Variants in CLCA2 observed in about 807,000 individuals in gnomAD.
CLCA2 encodes calcium-activated chloride channel regulator 2.
CLCA2 carries 85 observed loss-of-function variants against 82.9 expected under a neutral mutation model. The observed-to-expected ratio is 1.03, with a 90% CI of 0.86 to 1.23. CLCA2 has a LOEUF of 1.23. Among genes scored for constraint, CLCA2 ranks in the 50% most tolerant of loss-of-function variants. The pLI is 0.00. For synonymous variants in CLCA2, 421 were observed against 391.7 expected (o/e 1.07, Z -0.88); for missense variants, 1,089 against 1,124.8 (o/e 0.97, Z 0.45).
chr1:86,444,879 TTTGTTGTTGTTG>T (rs199948615), intron 10 of CLCA2, among the ~76,000 whole-genome samples: 3 of 148,020 alleles, frequency 2.0e-5, no homozygotes, highest in Admixed American at 6.8e-5. Flanking sequence ...CACCCCCACT[TTTGTTGTTGTTG>T]TTGTTGTTGT....
chr1:86,440,285 A>G lies in CLCA2; in HGVS notation c.1341A>G (p.Ser447=), dbSNP rs979275803. The part of the protein sequence containing the change: ...GSTIHSIALG[S]SAAPNLEELS... ...CAATTCACTCCATTGCCCTGGGTTC[A>G]TCTGCAGCCCCAAATCTGGAGGAAT... is the stretch of plus-strand genomic sequence containing the variant. The change falls in exon 8 of 14, where the codon TCA becomes TCG. Residue 447 remains serine (S), a synonymous_variant. Coordinates refer to ENST00000370565, the MANE Select transcript of CLCA2 (RefSeq NM_006536.7). 6 of 1,613,940 alleles carry G rather than the reference A, an allele frequency of 3.7e-6. No homozygotes were observed. The Admixed American group carries it at 5.0e-5, about 13-fold the overall frequency.
Position 86,455,360 on chromosome 1 carries a change from C to A in CLCA2, c.2665C>A (p.Pro889Thr). 1 of 1,611,342 alleles carries A rather than the reference C, an allele frequency of 6.2e-7. No individual in the cohort carries two copies. The highest frequency in any genetic ancestry group is 8.5e-7 in the Non-Finnish European group (1 of 1,179,102). The change falls in exon 14 of 14, where the codon CCC (proline) becomes ACC (threonine). Residue 889 changes from proline (P) to threonine (T), a missense_variant. By Grantham distance (38) the Pro-to-Thr change is conservative (BLOSUM62 -1). Transcript: ENST00000370565. ...SNIAQAPLFI[P>T]PNSDPVPARD... is the part of the protein sequence containing the mutation. The stretch of plus-strand genomic sequence containing the variant: ...CATTGCCCAGGCGCCTCTGTTTATT[C>A]CCCCCAATTCTGATCCTGTACCTGC...
chr1:86,433,541 A>G (rs1662541383), intron 5 of CLCA2, among the ~76,000 whole-genome samples: 1 of 152,252 alleles, frequency 6.6e-6, no homozygotes, highest in African/African-American at 2.4e-5. Context: ...TTCGATCCAC[A>G]TTATTTATGA....
At chr1:86,444,209 T>C (rs1662802232) in intron 10 of CLCA2, among the ~76,000 whole-genome samples, 198 bp downstream of exon 10, 1 of 152,252 alleles carries the variant, frequency 6.6e-6, no homozygotes, top group South Asian at 2.1e-4. Context: ...TTTTATATAT[T>C]AGACACCAAA....
intron 8 of CLCA2, among the ~76,000 whole-genome samples, chr1:86,440,680 C>T (rs1363047819): frequency 6.6e-6 from 1 of 152,128 alleles, no homozygotes; most frequent in Non-Finnish European, 1.5e-5. Flanking sequence ...GTGGGCAGAT[C>T]GCTTGAGGTC....
At chr1:86,451,654 T>C (rs987301292) in intron 12 of CLCA2, among the ~76,000 whole-genome samples, 2 of 152,152 alleles carry the variant, frequency 1.3e-5, no homozygotes, top group Admixed American at 6.6e-5. Context: ...CTAAATGTTG[T>C]CTGAGTCTGA....
chr1:86,446,890 T>G (rs1213411838), intron 10 of CLCA2, among the ~76,000 whole-genome samples: 1 of 152,236 alleles, frequency 6.6e-6, no homozygotes, highest in Admixed American at 6.5e-5. Context: ...GAGTAGTGTT[T>G]AGCAGTATTT....
At chr1:86,427,288 C>T (rs1271532233) in intron 2 of CLCA2, among the ~76,000 whole-genome samples, 1 of 152,120 alleles carries the variant, frequency 6.6e-6, no homozygotes, top group Non-Finnish European at 1.5e-5. Context: ...GACAAATTTT[C>T]AGACATAGGA....
rs139473262 is a variant in CLCA2 at position 86,442,475 on chromosome 1, C to T, written c.1488+932C>T. Among the ~76,000 whole-genome samples the T allele has an allele frequency of 1.8e-4, 28 of 152,262 alleles. No individual in the cohort carries two copies. The East Asian group carries it at 4.6e-3, about 25-fold the overall frequency. The stretch of plus-strand genomic sequence containing the variant: ...AACGTTCCCAAACTTGCCCCCCTCC[C>T]GACAAGCTGTTGGAGTCATTAGCTC... On this transcript the variant is annotated intron_variant, in intron 9 of 13. Coordinates refer to ENST00000370565, the MANE Select transcript of CLCA2 (RefSeq NM_006536.7).
At chr1:86,439,486 A>G (rs1662680579) in intron 7 of CLCA2, among the ~76,000 whole-genome samples, 1 of 152,226 alleles carries the variant, frequency 6.6e-6, no homozygotes, top group Non-Finnish European at 1.5e-5. Context: ...TTCTGTCTAT[A>G]GTCATTCTAG....
At chr1:86,437,791 A>G (rs1438910543) in intron 6 of CLCA2, among the ~76,000 whole-genome samples, 1 of 151,224 alleles carries the variant, frequency 6.6e-6, no homozygotes, top group Non-Finnish European at 1.5e-5. Flanking sequence ...AGCTGGGAGT[A>G]GAGATCAAGA....
intron 6 of CLCA2, among the ~76,000 whole-genome samples, chr1:86,437,678 T>C (rs902774765): frequency 6.6e-6 from 1 of 152,056 alleles, no homozygotes; most frequent in Non-Finnish European, 1.5e-5. Context: ...GACATAGGTA[T>C]GGATTTGAGA....
At chr1:86,431,092 G>GC in intron 4 of CLCA2, 122 bp downstream of exon 4, 2 of 637,974 alleles carry the variant, frequency 3.1e-6, no homozygotes, top group Non-Finnish European at 5.4e-6. Context: ...AAACTTAGCT[G>GC]ATAAGAAAGA....
intron 4 of CLCA2, 108 bp downstream of exon 4, chr1:86,431,078 G>C: frequency 1.4e-6 from 1 of 713,204 alleles, no homozygotes; most frequent in South Asian, 2.0e-5. Context: ...TTTAATTGCA[G>C]CTAAAACTTA....
intron 10 of CLCA2, among the ~76,000 whole-genome samples, chr1:86,446,287 C>T (rs1167781145): frequency 6.8e-6 from 1 of 145,992 alleles, no homozygotes; most frequent in Non-Finnish European, 1.5e-5. Context: ...ATCTTACATA[C>T]CAGACCCTTC....
At chr1:86,429,131 T>C (rs1484874525) in intron 3 of CLCA2, among the ~76,000 whole-genome samples, 2 of 152,082 alleles carry the variant, frequency 1.3e-5, no homozygotes, top group Admixed American at 1.3e-4. Flanking sequence ...TGGCTTCCTC[T>C]GATCAATGAA....
chr1:86,446,015 A>G (rs1032079527), intron 10 of CLCA2, among the ~76,000 whole-genome samples: 2 of 152,064 alleles, frequency 1.3e-5, no homozygotes, highest in Non-Finnish European at 2.9e-5. Context: ...TTAGTACTAA[A>G]TAGGGAAAAA....
At chr1:86,454,045 G>A (rs778797099) in intron 13 of CLCA2, among the ~76,000 whole-genome samples, 14 of 152,110 alleles carry the variant, frequency 9.2e-5, no homozygotes, top group Middle Eastern at 3.2e-3. Flanking sequence ...TTATGTTTGC[G>A]AGGAAGCCTG....
At chr1:86,440,639 A>G (rs1011888849) in intron 8 of CLCA2, among the ~76,000 whole-genome samples, 2 of 152,168 alleles carry the variant, frequency 1.3e-5, no homozygotes, top group African/African-American at 4.8e-5. Flanking sequence ...GGTGGCTCAC[A>G]CCTGTAATCC....
Sources: gnomAD v4.1 joint callset for allele counts (sites outside exome capture counted in the v4.1 genomes callset) on GRCh38, gnomAD v4.1.1 for gene constraint, MANE v1.5 for transcripts, NCBI Gene and HGNC (gene_info 2026-07-23, HGNC 2026-07-21) for gene names.